The following NBAS variants were observed in gnomAD, a reference collection of about 807,000 sequenced individuals.
NBAS encodes the protein NBAS subunit of NRZ tethering complex.
Under a neutral mutation model 302.5 loss-of-function variants are expected in NBAS, and 219 were observed. The observed-to-expected ratio is 0.72, with a 90% CI of 0.65 to 0.81. The LOEUF (loss-of-function observed/expected upper bound fraction) is 0.81, where lower values mean the gene tolerates loss of function less well. Among genes scored for constraint, NBAS ranks in the 30% least tolerant of loss-of-function variants. The pLI, the probability that NBAS is intolerant of heterozygous loss-of-function variation, is 0.00. For synonymous variants in NBAS, 1,118 were observed against 1,021.6 expected (o/e 1.09, Z -1.80); for missense variants, 2,932 against 2,841.6 (o/e 1.03, Z -0.72).
the NBAS span, among the ~76,000 whole-genome samples, chr2:15,016,564 T>G: frequency 6.6e-6 from 1 of 151,988 alleles, no homozygotes; most frequent in Admixed American, 6.6e-5. Flanking sequence ...AACATACAGA[T>G]TCAATACAAT....
chr2:15,207,374 G>A lies in NBAS; in HGVS notation c.6432+11399C>T, dbSNP rs7561243. Among the ~76,000 whole-genome samples, 12 of 152,266 alleles carry A rather than the reference G, an allele frequency of 7.9e-5. No individual in the cohort carries two copies. The South Asian group carries it at 1.5e-3, about 18-fold the overall frequency. On this transcript the variant is annotated intron_variant, in intron 48 of 51. Transcript: ENST00000281513. ...AACTAATTTGTGATTTTACAGGCTC[G>A]TAAGTGAAAACAACTCGTCTTGTCT...
chr2:15,304,628 T>A (rs898876060), intron 40 of NBAS, among the ~76,000 whole-genome samples: 27 of 152,284 alleles, frequency 1.8e-4, no homozygotes, highest in African/African-American at 6.3e-4. Flanking sequence ...ATACGGACAA[T>A]GAAGTCCAGG....
chr2:15,152,970 C>T, the NBAS span, among the ~76,000 whole-genome samples: 26 of 152,280 alleles, frequency 1.7e-4, no homozygotes, highest in South Asian at 5.4e-3. Flanking sequence ...GGGCCAAGAT[C>T]CACAGTAAGG....
At chr2:14,823,890 A>T in the NBAS span, among the ~76,000 whole-genome samples, 1 of 151,946 alleles carries the variant, frequency 6.6e-6, no homozygotes, top group African/African-American at 2.4e-5. Flanking sequence ...AAATCTTTCC[A>T]TGGAAGTTTC....
Position 15,277,066 on chromosome 2 carries a change from T to A in NBAS, c.5174A>T (p.Asp1725Val). The A allele has an allele frequency of 6.2e-7, 1 of 1,613,854 alleles. No homozygotes were observed. Among genetic ancestry groups the A allele is most frequent in the Non-Finnish European group, 8.5e-7 (1 of 1,179,884 alleles). The change falls in exon 43 of 52, where the codon GAC becomes GTC. Residue 1725 changes from aspartate (D) to valine (V), a missense_variant. Asp to Val is a radical substitution (Grantham distance 152, BLOSUM62 -3). Coordinates refer to ENST00000281513, the MANE Select transcript of NBAS (RefSeq NM_015909.4). ...STLEIENRAQ[D>V]LHLFETLKTD... Reference sequence around the variant, plus strand: ...CTTCAAAGTCTCAAAGAGATGAAGGTCTTGGGCTCTATTTTCAATTTCTAG... The same window carrying A: ...CTTCAAAGTCTCAAAGAGATGAAGGACTTGGGCTCTATTTTCAATTTCTAG...
chr2:15,078,297 G>C, the NBAS span, among the ~76,000 whole-genome samples: 5 of 152,086 alleles, frequency 3.3e-5, no homozygotes, highest in African/African-American at 1.2e-4. Context: ...GACTTAATGG[G>C]GGTATCAGTA....
intron 48 of NBAS, among the ~76,000 whole-genome samples, chr2:15,216,077 C>T (rs116157811): frequency 0.013 from 2,024 of 152,226 alleles, 22 homozygotes; most frequent in Non-Finnish European, 0.02. Context: ...ATGCACCTGT[C>T]CTTCAAAATA....
intron 38 of NBAS, among the ~76,000 whole-genome samples, chr2:15,327,106 G>T (rs1302769446): frequency 6.6e-6 from 1 of 152,072 alleles, no homozygotes; most frequent in South Asian, 2.1e-4. Flanking sequence ...GGACTTTCAA[G>T]AAAACTGCTT....
intron 22 of NBAS, among the ~76,000 whole-genome samples, 191 bp downstream of exon 22, chr2:15,427,520 T>C (rs765276059): frequency 1.3e-5 from 2 of 152,178 alleles, no homozygotes; most frequent in Non-Finnish European, 2.9e-5. Flanking sequence ...ATAATTCCTT[T>C]GTAGTATTTA....
At chr2:14,806,295 C>G in the NBAS span, among the ~76,000 whole-genome samples, 1 of 152,170 alleles carries the variant, frequency 6.6e-6, no homozygotes, top group South Asian at 2.1e-4. Context: ...CCACCATCTC[C>G]TATGTTGTGA....
the NBAS span, among the ~76,000 whole-genome samples, chr2:15,034,286 AAGAAAGAAAG>A: frequency 8.1e-5 from 8 of 98,590 alleles, no homozygotes; most frequent in Non-Finnish European, 1.3e-4. Flanking sequence ...GAGAGAAAGA[AAGAAAGAAAG>A]AAAGAAAGAT....
Position 15,561,224 on chromosome 2 carries a change from C to A in NBAS, c.81G>T (p.Leu27Phe), listed in dbSNP as rs747212358. ...TCTCCGGTGGCCACTCGGTGTTGAC[C>A]AACAAGTCATAGAGAATCGTCTCCT... ...GEEETILYDLLVNTEWPPETE... is the reference protein window; with the variant it reads ...GEEETILYDLFVNTEWPPETE... The change falls in exon 1 of 52, where the codon TTG (leucine) becomes TTT (phenylalanine). Residue 27 changes from leucine (L) to phenylalanine (F), a missense_variant. Transcript: ENST00000281513. The A allele has an allele frequency of 4.3e-6, 7 of 1,613,986 alleles. No homozygotes were observed. In the South Asian group the frequency reaches 5.5e-5, roughly 13 times the overall value.
chr2:15,383,113 A>C, intron 29 of NBAS, 102 bp downstream of exon 29: 1 of 959,282 alleles, frequency 1.0e-6, no homozygotes, highest in Non-Finnish European at 1.6e-6. Flanking sequence ...ATTAAATAAT[A>C]TTACTTCCAG....
At chr2:15,123,008 C>T in the NBAS span, among the ~76,000 whole-genome samples, 20,724 of 152,122 alleles carry the variant, frequency 0.14, 2,682 homozygotes, top group African/African-American at 0.33. Context: ...GCTTAGAGCC[C>T]TGACAAGGCA....
intron 47 of NBAS, among the ~76,000 whole-genome samples, chr2:15,231,789 A>G (rs1558458569): frequency 6.6e-6 from 1 of 152,226 alleles, no homozygotes; most frequent in Non-Finnish European, 1.5e-5. Context: ...ATTTTCAATT[A>G]AAGAAAGAAA....
At chr2:15,269,176 G>A (rs1175259224) in intron 44 of NBAS, among the ~76,000 whole-genome samples, 6 of 152,112 alleles carry the variant, frequency 3.9e-5, no homozygotes, top group African/African-American at 7.2e-5. Context: ...AGGAACACGG[G>A]GCTTCAGTGG....
intron 16 of NBAS, among the ~76,000 whole-genome samples, chr2:15,471,301 AT>A (rs1679947069): frequency 6.6e-6 from 1 of 152,192 alleles, no homozygotes; most frequent in South Asian, 2.1e-4. Context: ...CTTCCGTTTC[AT>A]TACCTCTCAT....
chr2:15,202,040 G>C (rs906647847), intron 48 of NBAS, among the ~76,000 whole-genome samples: 1 of 152,218 alleles, frequency 6.6e-6, no homozygotes, highest in East Asian at 1.9e-4. Context: ...AGGAAAATGA[G>C]TGCCTGTTTA....
At chr2:14,806,862 A>G in the NBAS span, among the ~76,000 whole-genome samples, 3 of 152,342 alleles carry the variant, frequency 2.0e-5, no homozygotes, top group African/African-American at 7.2e-5. Flanking sequence ...TGCATCACCA[A>G]AACAGTTTTT....
Sources: gnomAD v4.1 joint callset for allele counts (sites outside exome capture counted in the v4.1 genomes callset) on GRCh38, gnomAD v4.1.1 for gene constraint, MANE v1.5 for transcripts, NCBI Gene and HGNC (gene_info 2026-07-23, HGNC 2026-07-21) for gene names.